The following SPINK13 variants were observed in gnomAD, a reference collection of about 807,000 sequenced individuals.
SPINK13 encodes the protein serine protease inhibitor Kazal-type 13.
SPINK13 carries 11 observed loss-of-function variants against 11.0 expected under a neutral mutation model. The observed-to-expected ratio is 1.00, with a 90% CI of 0.63 to 1.65. The LOEUF (loss-of-function observed/expected upper bound fraction) is 1.65. SPINK13 is among the 40% of genes most tolerant of loss of function. The pLI, the probability that SPINK13 is intolerant of heterozygous loss-of-function variation, is 0.00. For synonymous variants in SPINK13, 31 were observed against 35.6 expected (o/e 0.87, Z 0.46); for missense variants, 113 against 117.7 (o/e 0.96, Z 0.19).
At chr5:148,277,498 T>C (rs903239099) in intron 3 of SPINK13, among the ~76,000 whole-genome samples, 2 of 152,224 alleles carry the variant, frequency 1.3e-5, no homozygotes, top group African/African-American at 4.8e-5. Flanking sequence ...GGGTGTTGAA[T>C]TTTATTGAAG....
chr5:148,285,801 T>G lies in SPINK13; in HGVS notation c.237-199T>G, dbSNP rs570670222. Among the ~76,000 whole-genome samples, 5 of 151,728 alleles carry G rather than the reference T, an allele frequency of 3.3e-5. No individual in the cohort carries two copies. In the South Asian group the frequency reaches 8.3e-4, roughly 25 times the overall value. On this transcript the variant is annotated intron_variant, in intron 4 of 4. Transcript: ENST00000398450. Reference sequence around the variant, plus strand: ...ATAAAAAATGTCATAGGACACCTTTTGAATAATCAAGACATGGAGAAAGAA... The same window carrying G: ...ATAAAAAATGTCATAGGACACCTTTGGAATAATCAAGACATGGAGAAAGAA...
intron 4 of SPINK13, among the ~76,000 whole-genome samples, chr5:148,284,739 G>A (rs1756566888): frequency 1.3e-5 from 2 of 152,148 alleles, no homozygotes; most frequent in Admixed American, 1.3e-4. Flanking sequence ...TGGACTCACT[G>A]CTCTCAGAGA....
At chr5:148,272,051 A>G (rs1445939604) in intron 2 of SPINK13, among the ~76,000 whole-genome samples, 4 of 152,234 alleles carry the variant, frequency 2.6e-5, no homozygotes, top group African/African-American at 9.6e-5. Context: ...AGTTTCATTG[A>G]TGAATAATAT....
intron 2 of SPINK13, among the ~76,000 whole-genome samples, chr5:148,271,749 C>G (rs1311119843): frequency 6.6e-6 from 1 of 152,088 alleles, no homozygotes; most frequent in Non-Finnish European, 1.5e-5. Context: ...CTCAGCCTCC[C>G]GAGTAGCTGG....
intron 3 of SPINK13, among the ~76,000 whole-genome samples, chr5:148,278,653 G>A (rs534871347): frequency 1.3e-3 from 199 of 152,204 alleles, no homozygotes; most frequent in Middle Eastern, 3.4e-3. Context: ...TATGATTCCC[G>A]TTCTTTTGCA....
At chr5:148,270,636 C>T (rs950354826) in intron 2 of SPINK13, 1 of 152,894 alleles carries the variant, frequency 6.5e-6, no homozygotes, top group African/African-American at 2.4e-5. Flanking sequence ...TGGAATAATG[C>T]CTCCCCAAAA....
At chr5:148,276,884 A>T (rs964068182) in intron 3 of SPINK13, among the ~76,000 whole-genome samples, 2 of 152,178 alleles carry the variant, frequency 1.3e-5, no homozygotes, top group African/African-American at 4.8e-5. Flanking sequence ...CCATTTTCAC[A>T]ATATTGATTC....
At chr5:148,271,792 T>G (rs185774593) in intron 2 of SPINK13, among the ~76,000 whole-genome samples, 2 of 151,942 alleles carry the variant, frequency 1.3e-5, no homozygotes, top group African/African-American at 4.8e-5. Flanking sequence ...GCCTGGCTAA[T>G]TTTTTGTATT....
chr5:148,280,337 G>C (rs149508146), intron 3 of SPINK13, among the ~76,000 whole-genome samples: 139 of 152,236 alleles, frequency 9.1e-4, no homozygotes, highest in Non-Finnish European at 1.4e-3. Flanking sequence ...CTGCCAAGGA[G>C]TTGTGATCCT....
chr5:148,284,623 C>T (rs1378856421), intron 4 of SPINK13, among the ~76,000 whole-genome samples: 2 of 152,010 alleles, frequency 1.3e-5, no homozygotes, highest in African/African-American at 2.4e-5. Context: ...TTCTATATCT[C>T]GGGGCAAGAA....
Position 148,285,988 on chromosome 5 carries a change from TC to T in SPINK13, c.237-11del, listed in dbSNP as rs1250964663. ...TTATGATACTAATCTTCTTTTTTTC[TC>T]TTCTCTTTAGGGAATTTCATTATCG... On this transcript the variant is annotated splice_polypyrimidine_tract_variant and intron_variant, in intron 4 of 4. Coordinates refer to ENST00000398450, the MANE Select transcript of SPINK13 (RefSeq NM_001040129.3). 1 of 1,402,208 alleles carries T rather than the reference TC, an allele frequency of 7.1e-7. No individual in the cohort carries two copies. Among genetic ancestry groups the T allele is most frequent in the Non-Finnish European group, 9.8e-7 (1 of 1,020,896 alleles). 86.9% of individuals were successfully genotyped at this position (1,402,208 alleles called of 1,614,324 possible). A position where few individuals can be genotyped will look rare whatever the true frequency, so the allele number is the denominator to read the frequency against.
intron 3 of SPINK13, among the ~76,000 whole-genome samples, chr5:148,280,699 C>T (rs1054728808): frequency 1.3e-5 from 2 of 152,188 alleles, no homozygotes; most frequent in African/African-American, 4.8e-5. Flanking sequence ...CCAGAGCTCT[C>T]CTCTTTGAGG....
intron 3 of SPINK13, among the ~76,000 whole-genome samples, chr5:148,279,123 C>T (rs190324710): frequency 0.044 from 4,049 of 91,662 alleles, 140 homozygotes; most frequent in African/African-American, 0.15. Context: ...TTTTGCTTTC[C>T]ATTTGCTTGG....
intron 2 of SPINK13, 116 bp downstream of exon 2, chr5:148,270,258 C>T (rs2113360677): frequency 5.2e-6 from 5 of 954,436 alleles, no homozygotes; most frequent in East Asian, 4.9e-5. Context: ...TAAGCCAGTG[C>T]AGTCCAAACT....
rs369284029 is a variant in SPINK13 at position 148,279,712 on chromosome 5, A to G, written c.109-2392A>G. Among the ~76,000 whole-genome samples the G allele has an allele frequency of 2.0e-5, 3 of 151,950 alleles. No homozygotes were observed. The South Asian group carries it at 6.2e-4, about 32-fold the overall frequency. ...ACCTTTCTCTCTGGTTGCCCTTAAC[A>G]TTTTTTCCTTCATTTCAACCTTGGT... On this transcript the variant is annotated intron_variant, in intron 3 of 4. Transcript: ENST00000398450.
intron 3 of SPINK13, among the ~76,000 whole-genome samples, chr5:148,278,821 C>G (rs1427466708): frequency 6.6e-6 from 1 of 152,168 alleles, no homozygotes; most frequent in Non-Finnish European, 1.5e-5. Context: ...TCCTAAATAT[C>G]CTTGTTAACT....
At chr5:148,274,158 TGAAAAA>T (rs981383449) in intron 2 of SPINK13, among the ~76,000 whole-genome samples, 183 bp from the exon 3 acceptor site, 1 of 152,162 alleles carries the variant, frequency 6.6e-6, no homozygotes, top group Non-Finnish European at 1.5e-5. Context: ...ATCAATACTG[TGAAAAA>T]GAAAAAGTGG....
At chr5:148,279,584 C>T (rs1756482702) in intron 3 of SPINK13, among the ~76,000 whole-genome samples, 1 of 152,148 alleles carries the variant, frequency 6.6e-6, no homozygotes, top group Non-Finnish European at 1.5e-5. Context: ...AAATTCTTTT[C>T]TTTAAGAATG....
chr5:148,277,671 A>C (rs201674614), intron 3 of SPINK13, among the ~76,000 whole-genome samples: 2 of 152,030 alleles, frequency 1.3e-5, no homozygotes, highest in African/African-American at 2.4e-5. Context: ...TGCTGGATTC[A>C]GTTTGCCAGT....
Sources: allele counts gnomAD v4.1 joint callset (sites outside exome capture counted in the v4.1 genomes callset), GRCh38; gene constraint gnomAD v4.1.1; transcripts MANE v1.5; gene names NCBI Gene and HGNC (gene_info 2026-07-23, HGNC 2026-07-21).